Variants in DYSF observed in about 807,000 individuals in gnomAD.
The protein encoded by DYSF is dystrophy-associated fer-1-like 1.
DYSF carries 212 observed loss-of-function variants against 274.9 expected under a neutral mutation model. The ratio of observed to expected loss-of-function variants is 0.77; its 90% CI spans 0.69 to 0.86. The LOEUF is 0.86. Ranked by LOEUF, DYSF falls within the 40% of genes least tolerant of loss-of-function variation. DYSF has a pLI of 0.00. For synonymous variants in DYSF, 1,091 were observed against 1,078.7 expected (o/e 1.01, Z -0.22); for missense variants, 2,666 against 2,783.2 (o/e 0.96, Z 0.95).
chr2:71,474,182 T>G (rs558485938), intron 1 of DYSF, among the ~76,000 whole-genome samples: 22 of 152,304 alleles, frequency 1.4e-4, no homozygotes, highest in African/African-American at 4.3e-4. Flanking sequence ...CGCATCCACC[T>G]CCCAAAGTGC....
At position 71,686,702 on chromosome 2, in the gene DYSF, C is replaced by A. The variant is rs982499253; in HGVS notation, c.*210C>A. 1.3e-5 allele frequency: 8 copies of A among 630,760 alleles called. No individual in the cohort carries two copies. Among genetic ancestry groups the A allele is most frequent in the Non-Finnish European group, 2.3e-5 (8 of 352,462 alleles). The allele number at this position is 630,760 out of a possible 1,614,324, so 39.1% of individuals were successfully genotyped here. On this transcript the variant is annotated 3_prime_UTR_variant, in exon 56 of 56. Transcript: ENST00000410020. ...CCCACTTCCATCATTTCCTTCTCCC[C>A]CAACCCAACGCTTTTTTGGATCAGC...
At chr2:71,520,697 C>T in intron 11 of DYSF, 92 bp from the exon 12 acceptor site, 1 of 1,074,494 alleles carries the variant, frequency 9.3e-7, no homozygotes, top group Non-Finnish European at 1.4e-6. Flanking sequence ...AGTCCTTTAC[C>T]TCCCCTGTGC....
At chr2:71,679,945 C>G (rs567729193) in intron 53 of DYSF, among the ~76,000 whole-genome samples, 3 of 152,170 alleles carry the variant, frequency 2.0e-5, no homozygotes, top group Admixed American at 6.5e-5. Context: ...GTAGTCCCCC[C>G]CTTATCTGGA....
chr2:71,468,534 A>G (rs565096271), intron 1 of DYSF, among the ~76,000 whole-genome samples: 12 of 152,182 alleles, frequency 7.9e-5, no homozygotes, highest in Non-Finnish European at 1.5e-4. Flanking sequence ...GAACACGTGC[A>G]GCTGCTATCT....
At chr2:71,590,094 C>T (rs1041854962) in intron 31 of DYSF, 117 bp from the exon 32 acceptor site, 3 of 996,742 alleles carry the variant, frequency 3.0e-6, no homozygotes, top group Non-Finnish European at 4.8e-6. Context: ...TGGTTTCCCT[C>T]ATTCAGCCCC....
intron 41 of DYSF, 125 bp from the exon 42 acceptor site, chr2:71,643,840 C>A (rs1572920061): frequency 2.6e-6 from 2 of 755,178 alleles, no homozygotes; most frequent in East Asian, 2.7e-5. Flanking sequence ...TGCTCCCCCA[C>A]ATCACCCTTA....
chr2:71,571,490 G>C (rs1357395238), intron 29 of DYSF, among the ~76,000 whole-genome samples: 4 of 85,170 alleles, frequency 4.7e-5, no homozygotes, highest in Non-Finnish European at 6.6e-5. Context: ...ATCACACCCA[G>C]CACGCACAGA....
At chr2:71,463,088 A>G (rs72896813), upstream of DYSF, among the ~76,000 whole-genome samples, 3,048 of 152,270 alleles carry the variant, frequency 0.02, 95 homozygotes, top group African/African-American at 0.07. Flanking sequence ...GCTGCCATCA[A>G]CATGTCGTCT....
At chr2:71,649,683 TA>T (rs112472325) in intron 42 of DYSF, among the ~76,000 whole-genome samples, 1 of 150,466 alleles carries the variant, frequency 6.6e-6, no homozygotes. Context: ...GTGCAAAGAT[TA>T]AAAAAAAAGA....
At chr2:71,605,185 C>T (rs1040812394) in intron 36 of DYSF, among the ~76,000 whole-genome samples, 1 of 152,194 alleles carries the variant, frequency 6.6e-6, no homozygotes, top group Non-Finnish European at 1.5e-5. Flanking sequence ...TTTCGTGTTT[C>T]ACTCTTCCTG....
At chr2:71,599,485 G>A (rs1380278492) in intron 33 of DYSF, among the ~76,000 whole-genome samples, 1 of 152,258 alleles carries the variant, frequency 6.6e-6, no homozygotes, top group Non-Finnish European at 1.5e-5. Flanking sequence ...AGTGCTATGG[G>A]CTGGAATGTC....
rs371803516 is a variant in DYSF at position 71,503,334 on chromosome 2, G to A, written c.345+15G>A. 6 of 1,613,698 alleles carry A rather than the reference G, an allele frequency of 3.7e-6. No individual in the cohort carries two copies. The highest frequency in any genetic ancestry group is 1.7e-4 in the Middle Eastern group (1 of 6,050). ...AGCCCACAGGGGTAAGTGCCCATCA[G>A]CCTCTGCCAGGTTAAGGTCCAAGGC... On this transcript the variant is annotated intron_variant, in intron 4 of 55. Transcript: ENST00000410020.
chr2:71,515,345 A>G (rs1031542413), intron 7 of DYSF, among the ~76,000 whole-genome samples: 71 of 152,294 alleles, frequency 4.7e-4, no homozygotes, highest in African/African-American at 1.4e-3. Flanking sequence ...AATGACATAA[A>G]TGGGGGCTGT....
At chr2:71,596,388 G>A (rs1202934187) in intron 32 of DYSF, among the ~76,000 whole-genome samples, 2 of 152,184 alleles carry the variant, frequency 1.3e-5, no homozygotes, top group Non-Finnish European at 2.9e-5. Context: ...AAAATAAAGC[G>A]TAGGGAAGCA....
At chr2:71,656,365 G>A in intron 43 of DYSF, 75 bp downstream of exon 43, 1 of 1,598,100 alleles carries the variant, frequency 6.3e-7, no homozygotes. Flanking sequence ...AAGGGGAGGG[G>A]TCGTACCTAC....
chr2:71,555,295 T>G (rs2091260267), intron 21 of DYSF, among the ~76,000 whole-genome samples: 1 of 152,062 alleles, frequency 6.6e-6, no homozygotes, highest in East Asian at 1.9e-4. Context: ...TCTACGAGAT[T>G]GGTAGTCCAA....
At position 71,564,110 on chromosome 2, in the gene DYSF, G is replaced by A. The variant is rs759675023; in HGVS notation, c.2462G>A (p.Arg821His). Residue 821 changes from arginine to histidine, a missense_variant, in exon 24 of 56, where the codon CGT becomes CAT. Physicochemically the swap from Arg to His is conservative, Grantham distance 29. Coordinates refer to ENST00000410020, the MANE Select transcript of DYSF (RefSeq NM_001130987.2). ...ATCTGGATGCTGCAGGGAGACAAGC[G>A]TGTGGCATACCAGCGGGTGCCCGCC... Reference protein sequence around the residue: ...IVIWMLQGDKRVAYQRVPAHQ... With the variant: ...IVIWMLQGDKHVAYQRVPAHQ... 1.4e-5 allele frequency: 23 copies of A among 1,614,152 alleles called. No homozygotes were observed. Among genetic ancestry groups the A allele is most frequent in the Middle Eastern group, 3.3e-4 (2 of 6,084 alleles).
rs1460104909 is a variant in DYSF at position 71,664,311 on chromosome 2, A to C, written c.5047A>C (p.Lys1683Gln). 1 of 1,614,158 alleles carries C rather than the reference A, an allele frequency of 6.2e-7. No homozygotes were observed. Among genetic ancestry groups the C allele is most frequent in the South Asian group, 1.1e-5 (1 of 91,084 alleles). The change falls in exon 46 of 56, where the codon AAG (lysine) becomes CAG (glutamine). Residue 1683 changes from lysine to glutamine, a missense_variant. This residue lies in a region of DYSF where 1,460 missense variants were observed against 1,502.1 expected (regional missense o/e 0.97). Coordinates refer to ENST00000410020, the MANE Select transcript of DYSF (RefSeq NM_001130987.2). ...TCTLPLEKDL[K>Q]ITLYDYDLLS... ...CACTCTGCCTCTGGAGAAGGACCTA[A>C]AGATCACTCTCTATGACTATGACCT...
intron 41 of DYSF, among the ~76,000 whole-genome samples, chr2:71,637,933 C>T (rs1572887191): frequency 1.3e-5 from 2 of 152,112 alleles, no homozygotes; most frequent in East Asian, 3.9e-4. Context: ...AGCCGGCCAG[C>T]TGGTGTGGCC....
Sources: gnomAD v4.1 joint callset for allele counts (sites outside exome capture counted in the v4.1 genomes callset) on GRCh38, gnomAD v4.1.1 for gene constraint, gnomAD v4.1.1 regional missense constraint, MANE v1.5 for transcripts, NCBI Gene and HGNC (gene_info 2026-07-23, HGNC 2026-07-21) for gene names.